APBA1: variants seen among roughly 807,000 people sequenced by gnomAD.
APBA1 encodes the protein amyloid beta precursor protein binding family A member 1, also known as amyloid-beta A4 precursor protein-binding family A member 1.
In APBA1, 55 loss-of-function variants were observed where a neutral mutation model predicts 86.6. That is an observed-to-expected ratio of 0.64 (90% confidence interval 0.51 to 0.80). APBA1 has a LOEUF of 0.80. APBA1 is among the 30% of genes least tolerant of loss of function. The pLI, the probability that APBA1 is intolerant of heterozygous loss-of-function variation, is 0.00. For synonymous variants in APBA1, 511 were observed against 493.9 expected, an observed-to-expected ratio of 1.03 and a Z score of -0.46; for missense variants, 1,090 against 1,183.0, an observed-to-expected ratio of 0.92 and a Z score of 1.15.
At chr9:69,652,169 G>A (rs1194480385) in intron 1 of APBA1, among the ~76,000 whole-genome samples, 2 of 152,190 alleles carry the variant, frequency 1.3e-5, no homozygotes, top group East Asian at 3.9e-4. Context: ...AGAACTGGGA[G>A]AAAATAAACG....
At chr9:69,658,284 C>CTTTTTCTTTCTT (rs370230255) in intron 1 of APBA1, among the ~76,000 whole-genome samples, 1 of 75,478 alleles carries the variant, frequency 1.3e-5, no homozygotes, top group Non-Finnish European at 2.9e-5. Flanking sequence ...TTCTTTCTTT[C>CTTTTTCTTTCTT]TCTCTCTCTT....
chr9:69,599,854 C>T (rs1822312185), intron 1 of APBA1, among the ~76,000 whole-genome samples: 1 of 152,170 alleles, frequency 6.6e-6, no homozygotes, highest in Admixed American at 6.5e-5. Flanking sequence ...CACATTCGCT[C>T]GAAGGGAGAG....
chr9:69,594,913 C>T (rs747811727), intron 1 of APBA1, among the ~76,000 whole-genome samples: 10 of 152,126 alleles, frequency 6.6e-5, no homozygotes, highest in Non-Finnish European at 1.3e-4. Context: ...GCTCTCTGGA[C>T]ATAAATTTTC....
At chr9:69,497,881 G>A (rs1835824491) in intron 2 of APBA1, among the ~76,000 whole-genome samples, 1 of 152,142 alleles carries the variant, frequency 6.6e-6, no homozygotes. Context: ...CAGCCCAGGA[G>A]TTCGGAATGG....
At chr9:69,537,964 G>A (rs2133914432) in intron 1 of APBA1, among the ~76,000 whole-genome samples, 1 of 152,080 alleles carries the variant, frequency 6.6e-6, no homozygotes, top group South Asian at 2.1e-4. Flanking sequence ...TAGCAAAGAT[G>A]AGGACTGTTT....
Position 69,541,547 on chromosome 9 carries a change from AT to A in APBA1, c.-69-24269del, listed in dbSNP as rs11461593. ...TCAAGTTATTTGCTCTCTTTTTTGC[AT>A]TTTTTTTTTTTTTTGGTTTCTTGCT... On this transcript the variant is annotated intron_variant, in intron 1 of 12. Transcript: ENST00000265381. Among the ~76,000 whole-genome samples the A allele has an allele frequency of 6.4e-3, 907 of 142,096 alleles. 7 individuals are homozygous for A. The highest frequency in any genetic ancestry group is 0.02 in the African/African-American group (762 of 37,978). The allele number at this position is 142,096 out of a possible 152,430, so 93.2% of individuals were successfully genotyped here. A position where few individuals can be genotyped will look rare whatever the true frequency, so the allele number is the denominator to read the frequency against.
chr9:69,548,727 T>C (rs1371653967), intron 1 of APBA1, among the ~76,000 whole-genome samples: 2 of 152,220 alleles, frequency 1.3e-5, no homozygotes, highest in Non-Finnish European at 2.9e-5. Flanking sequence ...ACCAATGCCA[T>C]TTGGTCACAC....
chr9:69,441,300 T>C (rs1036398784), intron 10 of APBA1, among the ~76,000 whole-genome samples, 185 bp from the exon 11 acceptor site: 5 of 152,218 alleles, frequency 3.3e-5, no homozygotes, highest in African/African-American at 9.6e-5. Flanking sequence ...TACCCAGGGC[T>C]AAGACGCCAC....
At chr9:69,436,991 T>C (rs1210649093) in intron 11 of APBA1, among the ~76,000 whole-genome samples, 2 of 152,142 alleles carry the variant, frequency 1.3e-5, no homozygotes, top group Non-Finnish European at 2.9e-5. Flanking sequence ...CATGAAGCGT[T>C]GTTGAATTTT....
intron 3 of APBA1, among the ~76,000 whole-genome samples, chr9:69,475,703 G>A (rs138636057): frequency 4.6e-5 from 7 of 152,370 alleles, no homozygotes; most frequent in South Asian, 2.1e-4. Context: ...GATGCTGTAC[G>A]TCGAGTTTTT....
intron 1 of APBA1, among the ~76,000 whole-genome samples, chr9:69,658,914 C>T (rs1823697395): frequency 6.6e-6 from 1 of 152,166 alleles, no homozygotes; most frequent in African/African-American, 2.4e-5. Context: ...AGGGACAACT[C>T]TGAGGCTGAC....
rs147174144 is a variant in APBA1, at chr9:69,500,211, G to C, written c.1200+15800C>G. ...TGAGGACAGCAGAAAGGAAACACTA[G>C]CCTAGAGAGGGTGAGGAAGGGCTAC... On this transcript the variant is annotated intron_variant, in intron 2 of 12. Transcript: ENST00000265381. 7.9e-4 allele frequency among the ~76,000 whole-genome samples: 121 copies of C among 152,222 alleles called. 1 individual carries two copies. In the East Asian group the frequency reaches 0.022, roughly 28 times the overall value.
intron 1 of APBA1, among the ~76,000 whole-genome samples, chr9:69,554,635 C>T (rs1564075777): frequency 6.6e-6 from 1 of 152,190 alleles, no homozygotes; most frequent in African/African-American, 2.4e-5. Context: ...GAACAGCTTT[C>T]CTCAGTGCCT....
intron 11 of APBA1, among the ~76,000 whole-genome samples, chr9:69,435,299 G>C (rs1165346707): frequency 1.3e-5 from 2 of 152,030 alleles, no homozygotes; most frequent in Non-Finnish European, 2.9e-5. Flanking sequence ...TAGTCCTTTG[G>C]GTGTATACCC....
At chr9:69,555,499 T>C (rs567369079) in intron 1 of APBA1, among the ~76,000 whole-genome samples, 1 of 152,326 alleles carries the variant, frequency 6.6e-6, no homozygotes, top group African/African-American at 2.4e-5. Flanking sequence ...TGTTTAATCA[T>C]TGGCAAAATT....
intron 1 of APBA1, among the ~76,000 whole-genome samples, chr9:69,617,384 T>C (rs905599314): frequency 3.3e-5 from 5 of 152,228 alleles, no homozygotes; most frequent in South Asian, 4.1e-4. Context: ...GGAGAAAATA[T>C]ATACTACCAA....
intron 1 of APBA1, among the ~76,000 whole-genome samples, chr9:69,651,498 T>C (rs2134016306): frequency 6.6e-6 from 1 of 152,222 alleles, no homozygotes; most frequent in African/African-American, 2.4e-5. Context: ...TTCTTGAGAC[T>C]GAGTTTCACT....
chr9:69,475,129 G>A (rs974218683), intron 3 of APBA1, among the ~76,000 whole-genome samples: 4 of 152,148 alleles, frequency 2.6e-5, no homozygotes, highest in African/African-American at 7.2e-5. Context: ...CCCTGGGTAC[G>A]GGGGAAGGCA....
chr9:69,652,060 G>A (rs944259518), intron 1 of APBA1, among the ~76,000 whole-genome samples: 3 of 152,184 alleles, frequency 2.0e-5, no homozygotes, highest in Admixed American at 6.5e-5. Context: ...AAAAGGCCAC[G>A]TGAGGACACA....
Sources: gnomAD v4.1 joint callset for allele counts (sites outside exome capture counted in the v4.1 genomes callset) on GRCh38, gnomAD v4.1.1 for gene constraint, MANE v1.5 for transcripts, NCBI Gene and HGNC (gene_info 2026-07-23, HGNC 2026-07-21) for gene names.